The following PPP1R9A variants were observed in gnomAD, a reference collection of about 807,000 sequenced individuals.
PPP1R9A encodes neurabin-1.
Under a neutral mutation model 141.9 loss-of-function variants are expected in PPP1R9A, and 59 were observed. That is an observed-to-expected ratio of 0.42 (90% CI 0.34 to 0.52). The LOEUF (loss-of-function observed/expected upper bound fraction) is 0.52. Ranked by LOEUF, PPP1R9A falls within the 20% of genes least tolerant of loss-of-function variation. PPP1R9A has a pLI of 0.10. For missense variants in PPP1R9A, 1,444 were observed against 1,611.9 expected (o/e 0.90, Z 1.78); for synonymous variants, 500 against 569.7 (o/e 0.88, Z 1.74).
chr7:94,997,709 A>G (rs913973437), intron 2 of PPP1R9A, among the ~76,000 whole-genome samples: 1 of 152,118 alleles, frequency 6.6e-6, no homozygotes, highest in African/African-American at 2.4e-5. Flanking sequence ...GTAGTTAGCT[A>G]TTGGCGTAAG....
At chr7:95,285,721 G>A (rs996631882) in intron 17 of PPP1R9A, among the ~76,000 whole-genome samples, 1 of 152,156 alleles carries the variant, frequency 6.6e-6, no homozygotes, top group Non-Finnish European at 1.5e-5. Context: ...GTACATCCAG[G>A]AGAGGATCTG....
chr7:95,174,025 GAAC>G (rs924566028), intron 5 of PPP1R9A, among the ~76,000 whole-genome samples: 1 of 151,866 alleles, frequency 6.6e-6, no homozygotes, highest in African/African-American at 2.4e-5. Context: ...ATTTACTCAA[GAAC>G]AATAAAAACA....
intron 8 of PPP1R9A, among the ~76,000 whole-genome samples, chr7:95,226,770 C>CA (rs1217167743): frequency 6.6e-6 from 1 of 152,132 alleles, no homozygotes; most frequent in Non-Finnish European, 1.5e-5. Flanking sequence ...GATGCAGTCT[C>CA]AGAGTTTGAA....
intron 5 of PPP1R9A, among the ~76,000 whole-genome samples, chr7:95,172,832 T>C (rs1380938734): frequency 2.0e-5 from 3 of 151,906 alleles, no homozygotes; most frequent in Non-Finnish European, 2.9e-5. Flanking sequence ...ATCAAGGCAA[T>C]CTGGTTGAGG....
intron 7 of PPP1R9A, 78 bp from the exon 8 acceptor site, chr7:95,225,883 T>C (rs1585344187): frequency 6.8e-7 from 1 of 1,474,570 alleles, no homozygotes; most frequent in East Asian, 2.3e-5. Context: ...CTTACTTGTC[T>C]TTTATAAAAT....
intron 2 of PPP1R9A, among the ~76,000 whole-genome samples, chr7:94,951,706 A>T (rs1172078562): frequency 6.6e-6 from 1 of 151,886 alleles, no homozygotes; most frequent in East Asian, 1.9e-4. Flanking sequence ...GGGTTTTGGT[A>T]TAAGGGTTAT....
intron 2 of PPP1R9A, among the ~76,000 whole-genome samples, chr7:95,097,123 A>G (rs990458920): frequency 2.6e-5 from 4 of 152,016 alleles, no homozygotes; most frequent in African/African-American, 9.7e-5. Flanking sequence ...TCCCAGATTC[A>G]AGCGATTCTC....
chr7:95,165,295 G>GCTTTTT (rs1831072990), intron 5 of PPP1R9A, among the ~76,000 whole-genome samples: 1 of 152,196 alleles, frequency 6.6e-6, no homozygotes, highest in Admixed American at 6.5e-5. Flanking sequence ...AAAAGGCACT[G>GCTTTTT]TGGCTTTCAT....
chr7:94,965,643 T>C (rs192385537), intron 2 of PPP1R9A, among the ~76,000 whole-genome samples: 316 of 152,312 alleles, frequency 2.1e-3, no homozygotes, highest in Non-Finnish European at 3.9e-3. Flanking sequence ...TGTGGCATTA[T>C]TTCCGAGGCC....
chr7:95,242,446 C>T (rs1305342459), intron 8 of PPP1R9A, among the ~76,000 whole-genome samples: 3 of 152,088 alleles, frequency 2.0e-5, no homozygotes, highest in Non-Finnish European at 4.4e-5. Context: ...AAAAATGTTT[C>T]CATGCTCTCA....
chr7:95,021,143 C>T (rs1368963853), intron 2 of PPP1R9A, among the ~76,000 whole-genome samples: 3 of 152,116 alleles, frequency 2.0e-5, no homozygotes, highest in African/African-American at 7.2e-5. Flanking sequence ...TCTGTTGTTT[C>T]CTGACATTTT....
At chr7:94,925,674 T>C (rs184399681) in intron 2 of PPP1R9A, among the ~76,000 whole-genome samples, 5 of 152,292 alleles carry the variant, frequency 3.3e-5, no homozygotes, top group Admixed American at 3.3e-4. Context: ...ATTTGTTTTA[T>C]GGTTGTGTCT....
chr7:95,265,319 C>G (rs1047538676), intron 12 of PPP1R9A, among the ~76,000 whole-genome samples: 4 of 152,156 alleles, frequency 2.6e-5, no homozygotes, highest in African/African-American at 4.8e-5. Flanking sequence ...AGCCTGAGCT[C>G]TATTCACTCT....
At chr7:95,214,740 C>A (rs1174151996) in intron 7 of PPP1R9A, among the ~76,000 whole-genome samples, 1 of 152,076 alleles carries the variant, frequency 6.6e-6, no homozygotes, top group Non-Finnish European at 1.5e-5. Flanking sequence ...GGGATAAAAA[C>A]TAAAGAATGG....
At chr7:95,020,785 C>T (rs1291336262) in intron 2 of PPP1R9A, among the ~76,000 whole-genome samples, 1 of 152,192 alleles carries the variant, frequency 6.6e-6, no homozygotes, top group Non-Finnish European at 1.5e-5. Flanking sequence ...ATAACATGAA[C>T]TCATCCTTTT....
intron 2 of PPP1R9A, among the ~76,000 whole-genome samples, chr7:95,033,982 TG>T (rs1280667555): frequency 2.0e-5 from 3 of 152,200 alleles, no homozygotes; most frequent in Admixed American, 6.5e-5. Context: ...AAAATTGCCT[TG>T]TTTTTTATTC....
chr7:95,101,833 A>G (rs1028542414), intron 2 of PPP1R9A, among the ~76,000 whole-genome samples: 1 of 150,676 alleles, frequency 6.6e-6, no homozygotes, highest in African/African-American at 2.5e-5. Flanking sequence ...GAAAAAACTT[A>G]CTTTTATGAT....
chr7:94,963,426 C>G (rs1797858142), intron 2 of PPP1R9A, among the ~76,000 whole-genome samples: 1 of 152,118 alleles, frequency 6.6e-6, no homozygotes, highest in Non-Finnish European at 1.5e-5. Context: ...CAGCCACAAT[C>G]AATTTTAGAA....
chr7:94,964,121 G>T (rs555390598), intron 2 of PPP1R9A, among the ~76,000 whole-genome samples: 2 of 152,076 alleles, frequency 1.3e-5, no homozygotes, highest in African/African-American at 2.4e-5. Context: ...TTATATTTGT[G>T]CTCAAAATGT....
Sources: gnomAD v4.1 joint callset for allele counts (sites outside exome capture counted in the v4.1 genomes callset) on GRCh38, gnomAD v4.1.1 for gene constraint, MANE v1.5 for transcripts, NCBI Gene and HGNC (gene_info 2026-07-23, HGNC 2026-07-21) for gene names.